The following DCLRE1C variants were observed in gnomAD, a reference collection of about 807,000 sequenced individuals.
DCLRE1C encodes the protein DNA cross-link repair 1C.
A neutral mutation model predicts 61.4 loss-of-function variants in DCLRE1C; 47 were observed. That is an observed-to-expected ratio of 0.77 (90% CI 0.61 to 0.98). The LOEUF is 0.98. Among genes scored for constraint, DCLRE1C ranks in the 50% least tolerant of loss-of-function variants. The pLI is 0.00. For missense variants in DCLRE1C, 858 were observed against 816.0 expected, an observed-to-expected ratio of 1.05 and a Z score of -0.63; for synonymous variants, 337 against 287.6, an observed-to-expected ratio of 1.17 and a Z score of -1.74.
At chr10:14,912,835 C>G (rs1249727112) in intron 13 of DCLRE1C, among the ~76,000 whole-genome samples, 2 of 152,058 alleles carry the variant, frequency 1.3e-5, no homozygotes, top group African/African-American at 4.8e-5. Context: ...GTGCCCGCCA[C>G]CACACCTGGC....
intron 10 of DCLRE1C, among the ~76,000 whole-genome samples, 196 bp downstream of exon 10, chr10:14,927,820 C>T (rs955821794): frequency 1.3e-5 from 2 of 152,192 alleles, no homozygotes; most frequent in Non-Finnish European, 2.9e-5. Context: ...GAGGGAACCT[C>T]AGGATACACC....
In DCLRE1C at chr10:14,906,247, G is replaced by T. The variant is rs1234282984; in HGVS notation, c.*2161C>A. Among the ~76,000 whole-genome samples, 1 of 152,196 alleles carries T rather than the reference G, an allele frequency of 6.6e-6. No homozygotes were observed. Among genetic ancestry groups the T allele is most frequent in the Non-Finnish European group, 1.5e-5 (1 of 68,036 alleles). ...AATGTATCTACCTCAAAGGGTGGTTGTGAAAATTAAAGGAGTTCATATAGT... is the reference window on the plus strand; with the variant it reads ...AATGTATCTACCTCAAAGGGTGGTTTTGAAAATTAAAGGAGTTCATATAGT... On this transcript the variant is annotated 3_prime_UTR_variant, in exon 14 of 14. Coordinates refer to ENST00000378278, the MANE Select transcript of DCLRE1C (RefSeq NM_001033855.3).
chr10:14,912,609 T>G (rs928257961), intron 13 of DCLRE1C, among the ~76,000 whole-genome samples: 3 of 152,232 alleles, frequency 2.0e-5, no homozygotes, highest in Non-Finnish European at 2.9e-5. Context: ...TATGAAATAC[T>G]GATATATGCC....
chr10:14,904,904 C>G lies in DCLRE1C; in HGVS notation c.*3504G>C, dbSNP rs1418921262. On this transcript the variant is annotated 3_prime_UTR_variant, in exon 14 of 14. Coordinates refer to ENST00000378278, the MANE Select transcript of DCLRE1C (RefSeq NM_001033855.3). ...TTGATACCATCATTTTCAGGATCTACATTAAGAGGATGGTGATACATAATT... is the reference window on the plus strand; with the variant it reads ...TTGATACCATCATTTTCAGGATCTAGATTAAGAGGATGGTGATACATAATT... 6.6e-6 allele frequency among the ~76,000 whole-genome samples: 1 copy of G among 152,170 alleles called. No individual in the cohort carries two copies. The highest frequency in any genetic ancestry group is 1.5e-5 in the Non-Finnish European group (1 of 68,020).
chr10:14,919,892 C>G, intron 12 of DCLRE1C, 60 bp from the exon 13 acceptor site: 1 of 1,328,488 alleles, frequency 7.5e-7, no homozygotes, highest in East Asian at 2.3e-5. Flanking sequence ...AGGTAGACAT[C>G]ATTGATAGTA....
chr10:14,914,775 C>T (rs1835884149), intron 13 of DCLRE1C, among the ~76,000 whole-genome samples: 1 of 152,036 alleles, frequency 6.6e-6, no homozygotes, highest in African/African-American at 2.4e-5. Context: ...CCTGTGGCTA[C>T]TAAAAATACA....
intron 2 of DCLRE1C, among the ~76,000 whole-genome samples, chr10:14,948,711 G>GTT (rs202118806): frequency 1.0e-3 from 152 of 150,834 alleles, no homozygotes; most frequent in African/African-American, 3.3e-3. Context: ...CTCCATCTCT[G>GTT]TTTTTTTTGT....
chr10:14,920,705 G>A (rs1029409900), intron 12 of DCLRE1C, among the ~76,000 whole-genome samples: 4 of 152,198 alleles, frequency 2.6e-5, no homozygotes, highest in Non-Finnish European at 5.9e-5. Context: ...ATGGGGGCCG[G>A]GTGCGGTGGC....
rs183949990 is a variant in DCLRE1C, at chr10:14,906,457, A to C, written c.*1951T>G. Among the ~76,000 whole-genome samples, 101 of 152,362 alleles carry C rather than the reference A, an allele frequency of 6.6e-4. No homozygotes were observed. Among genetic ancestry groups the C allele is most frequent in the African/African-American group, 2.2e-3 (91 of 41,584 alleles). ...GTAATATTAATGTGATTATAAAATA[A>C]CAGGAATATATTCAGAGGAATGTTT... is the stretch of plus-strand genomic sequence containing the variant. On this transcript the variant is annotated 3_prime_UTR_variant, in exon 14 of 14. Transcript: ENST00000378278.
At chr10:14,937,996 T>C (rs1840251631) in intron 4 of DCLRE1C, among the ~76,000 whole-genome samples, 1 of 149,176 alleles carries the variant, frequency 6.7e-6, no homozygotes, top group Non-Finnish European at 1.5e-5. Flanking sequence ...CTGCAGGCAC[T>C]ACTGCCTCTC....
Position 14,908,892 on chromosome 10 carries a change from A to C in DCLRE1C, c.1595T>G (p.Ile532Ser), listed in dbSNP as rs769134680. The C allele has an allele frequency of 2.0e-5, 33 of 1,613,986 alleles. No individual in the cohort carries two copies. In the Admixed American group the frequency reaches 4.3e-4, roughly 21 times the overall value. The change falls in exon 14 of 14, where the codon ATC (isoleucine) becomes AGC (serine). Residue 532 changes from isoleucine to serine, a missense_variant. By Grantham distance (142) the Ile-to-Ser change is moderately radical. Coordinates refer to ENST00000378278, the MANE Select transcript of DCLRE1C (RefSeq NM_001033855.3). ...FSDSDGESTH[I>S]SSQNSSQSTH... ...TGACTGGGAAGAATTCTGGGAGGAG[A>C]TGTGAGTTGATTCTCCATCAGAGTC...
chr10:14,940,360 C>T (rs963647290), intron 3 of DCLRE1C, among the ~76,000 whole-genome samples: 2 of 150,484 alleles, frequency 1.3e-5, no homozygotes, highest in Admixed American at 6.7e-5. Flanking sequence ...GTGGTATCGG[C>T]TCACTGCAAC....
chr10:14,932,959 A>G lies in DCLRE1C; in HGVS notation c.679-4T>C, dbSNP rs1839277129. The G allele has an allele frequency of 2.5e-6, 4 of 1,613,788 alleles. No homozygotes were observed. The African/African-American group carries it at 4.0e-5, about 16-fold the overall frequency. On this transcript the variant is annotated splice_polypyrimidine_tract_variant and splice_region_variant and intron_variant, in intron 8 of 13. Coordinates refer to ENST00000378278, the MANE Select transcript of DCLRE1C (RefSeq NM_001033855.3). ...TGTCTAGCTTATTCACATGAACCTA[A>G]GGCAAATAATACATACATGCAAATT...
intron 8 of DCLRE1C, 53 bp from the exon 9 acceptor site, chr10:14,933,008 T>C: frequency 6.3e-7 from 1 of 1,592,232 alleles, no homozygotes; most frequent in Non-Finnish European, 8.6e-7. Flanking sequence ...TTCCTATAAA[T>C]TGTTCAAGGT....
At chr10:14,916,621 A>G (rs1376753242) in intron 13 of DCLRE1C, among the ~76,000 whole-genome samples, 3 of 152,238 alleles carry the variant, frequency 2.0e-5, no homozygotes, top group Non-Finnish European at 2.9e-5. Flanking sequence ...ATATTTCTAT[A>G]TACTAACAAC....
intron 3 of DCLRE1C, among the ~76,000 whole-genome samples, chr10:14,940,389 C>T (rs1220132259): frequency 2.0e-5 from 3 of 151,664 alleles, no homozygotes; most frequent in South Asian, 2.1e-4. Context: ...CCTGGGTTCA[C>T]GCGATTCTCC....
chr10:14,953,424 T>A (rs1156398198), intron 1 of DCLRE1C, among the ~76,000 whole-genome samples: 1 of 152,084 alleles, frequency 6.6e-6, no homozygotes. Flanking sequence ...TCATATTGGA[T>A]ACGGACAGAA....
Position 14,897,566 on chromosome 10 carries a change from C to G in DCLRE1C, c.*1598G>C, listed in dbSNP as rs1047687327. ...AAATGATGGACATGCAAGGTTTATA[C>G]TTTTGGAAAATTACCTTTTTATCTC... On this transcript the variant is annotated 3_prime_UTR_variant, in exon 14 of 14. Coordinates refer to the DCLRE1C transcript ENST00000378289. 5 of 1,420,068 alleles carry G rather than the reference C, an allele frequency of 3.5e-6. No homozygotes were observed. The African/African-American group carries it at 7.1e-5, about 20-fold the overall frequency. The allele number at this position is 1,420,068 out of a possible 1,614,324, so 88.0% of individuals were successfully genotyped here. A position where few individuals can be genotyped will look rare whatever the true frequency, so the allele number is the denominator to read the frequency against.
chr10:14,909,823 C>G (rs1452670163), intron 13 of DCLRE1C, among the ~76,000 whole-genome samples: 1 of 152,100 alleles, frequency 6.6e-6, no homozygotes, highest in Non-Finnish European at 1.5e-5. Context: ...CTGTGAGCAT[C>G]TTATTGACAT....
Sources: gnomAD v4.1 joint callset for allele counts (sites outside exome capture counted in the v4.1 genomes callset) on GRCh38, gnomAD v4.1.1 for gene constraint, MANE v1.5 for transcripts, NCBI Gene and HGNC (gene_info 2026-07-23, HGNC 2026-07-21) for gene names.